MACROD2: variants seen among roughly 807,000 people sequenced by gnomAD.
The protein encoded by MACROD2 is ADP-ribose glycohydrolase MACROD2.
Under a neutral mutation model 70.4 loss-of-function variants are expected in MACROD2, and 36 were observed. The observed-to-expected ratio is 0.51, with a 90% CI of 0.39 to 0.68. The LOEUF (loss-of-function observed/expected upper bound fraction) is 0.68. Ranked by LOEUF, MACROD2 falls within the 30% of genes least tolerant of loss-of-function variation. MACROD2 has a pLI of 0.00. For missense variants in MACROD2, 496 were observed against 538.4 expected (o/e 0.92, Z 0.78); for synonymous variants, 172 against 178.8 (o/e 0.96, Z 0.30).
intron 6 of MACROD2, among the ~76,000 whole-genome samples, chr20:15,404,672 C>T (rs2045973561): frequency 6.6e-6 from 1 of 152,236 alleles, no homozygotes. Context: ...CTTCTGCACA[C>T]TAACTTTCAC....
At chr20:14,318,369 G>T (rs966038138) in intron 3 of MACROD2, among the ~76,000 whole-genome samples, 16 of 152,032 alleles carry the variant, frequency 1.1e-4, no homozygotes, top group Non-Finnish European at 2.1e-4. Flanking sequence ...TCTTAAAAAA[G>T]AAAAACTTTG....
In MACROD2 at chr20:13,995,604, G is replaced by A; in HGVS notation, c.-160G>A. 1 of 734,682 alleles carries A rather than the reference G, an allele frequency of 1.4e-6. No individual in the cohort carries two copies. The highest frequency in any genetic ancestry group is 2.4e-6 in the Non-Finnish European group (1 of 413,082). The allele number at this position is 734,682 out of a possible 1,614,324, so 45.5% of individuals were successfully genotyped here. A position where few individuals can be genotyped will look rare whatever the true frequency, so the allele number is the denominator to read the frequency against. On this transcript the variant is annotated 5_prime_UTR_variant, in exon 1 of 18. Transcript: ENST00000684519. This position sits in a 1 kb window ranked among gnomAD's most constrained non-coding sequence, Gnocchi z 4.3. ...GAGCGCGGGCTGAGGGAGGAGGGCG[G>A]CGACTGGAGAGCGGCGAGCGGCGAG...
intron 5 of MACROD2, among the ~76,000 whole-genome samples, chr20:14,965,377 G>C (rs546732826): frequency 4.3e-5 from 6 of 140,854 alleles, no homozygotes; most frequent in African/African-American, 1.3e-4. Flanking sequence ...CTTTTTTGCT[G>C]TTTCTTAAAA....
rs541706689 is a variant in MACROD2, at chr20:15,891,318, C to T, written c.775+5507C>T. Among the ~76,000 whole-genome samples, 3 of 152,258 alleles carry T rather than the reference C, an allele frequency of 2.0e-5. No homozygotes were observed. The South Asian group carries it at 6.2e-4, about 32-fold the overall frequency. On this transcript the variant is annotated intron_variant, in intron 10 of 17. Coordinates refer to ENST00000684519, the MANE Select transcript of MACROD2 (RefSeq NM_001351661.2). Reference sequence around the variant, plus strand: ...GAAAGGAAACTGACAAAGCTAGAGCCAAACACAAGAGGGAGGTGAGGCTAG... The same window carrying T: ...GAAAGGAAACTGACAAAGCTAGAGCTAAACACAAGAGGGAGGTGAGGCTAG...
Position 14,356,498 on chromosome 20 carries a change from C to CTTTTTT in MACROD2, c.272-136963_272-136958dup, listed in dbSNP as rs71190132. Among the ~76,000 whole-genome samples the CTTTTTT allele has an allele frequency of 9.2e-4, 71 of 76,788 alleles. 1 individual carries two copies. Among genetic ancestry groups the CTTTTTT allele is most frequent in the African/African-American group, 1.2e-3 (25 of 21,374 alleles). 50.4% of individuals were successfully genotyped at this position (76,788 alleles called of 152,430 possible). A position where few individuals can be genotyped will look rare whatever the true frequency, so the allele number is the denominator to read the frequency against. On this transcript the variant is annotated intron_variant, in intron 3 of 17. Transcript: ENST00000684519. ...ACCTGGGGGCTGGAGGATCTACTTT[C>CTTTTTT]TTTTTTTTTTTTTTTTTTTTTTTCG...
At chr20:14,152,334 CAGT>C (rs1421137188) in intron 3 of MACROD2, among the ~76,000 whole-genome samples, 1 of 152,034 alleles carries the variant, frequency 6.6e-6, no homozygotes, top group Non-Finnish European at 1.5e-5. Context: ...TCATATTTGA[CAGT>C]AGTATTTCTC....
At chr20:14,550,144 A>G (rs1261857051) in intron 4 of MACROD2, among the ~76,000 whole-genome samples, 1 of 152,016 alleles carries the variant, frequency 6.6e-6, no homozygotes, top group East Asian at 1.9e-4. Flanking sequence ...TCTGGTCTGG[A>G]ACTCCTGACC....
intron 7 of MACROD2, among the ~76,000 whole-genome samples, chr20:15,470,557 A>G (rs1375330018): frequency 1.3e-5 from 2 of 152,076 alleles, no homozygotes; most frequent in East Asian, 1.9e-4. Flanking sequence ...CATCCCTTGC[A>G]CTTCCGGGCC....
intron 5 of MACROD2, among the ~76,000 whole-genome samples, chr20:14,763,508 T>C (rs80058350): frequency 0.054 from 8,155 of 152,168 alleles, 355 homozygotes; most frequent in East Asian, 0.18. Context: ...GGGACCGTGA[T>C]CTAGGTGAAA....
At chr20:15,022,864 G>A (rs1039250625) in intron 5 of MACROD2, 1 of 152,016 alleles carries the variant, frequency 6.6e-6, no homozygotes, top group Non-Finnish European at 1.5e-5. Flanking sequence ...GCTTGCTTTG[G>A]CAACACATAT....
chr20:14,729,906 T>C (rs932115809), intron 5 of MACROD2, among the ~76,000 whole-genome samples: 2 of 152,118 alleles, frequency 1.3e-5, no homozygotes, highest in African/African-American at 2.4e-5. Context: ...TTGCATTACA[T>C]TTATTAAAAT....
Position 14,940,977 on chromosome 20 carries a change from T to C in MACROD2, c.418+256018T>C, listed in dbSNP as rs1197507924. 8.5e-5 allele frequency among the ~76,000 whole-genome samples: 13 copies of C among 152,186 alleles called. No individual in the cohort carries two copies. The East Asian group carries it at 2.5e-3, about 29-fold the overall frequency. The stretch of plus-strand genomic sequence containing the variant: ...GAATTTGAGTAGAATTAGTGTTAGT[T>C]CTTTACATGTTTGTTAGAATTCAGC... On this transcript the variant is annotated intron_variant, in intron 5 of 17. Transcript: ENST00000684519.
intron 10 of MACROD2, among the ~76,000 whole-genome samples, chr20:15,889,018 G>A (rs1420109957): frequency 6.6e-6 from 1 of 152,140 alleles, no homozygotes; most frequent in Non-Finnish European, 1.5e-5. Flanking sequence ...CACTAATGAA[G>A]GGCTACTTGA....
At chr20:15,020,392 G>C (rs1568533904) in intron 5 of MACROD2, among the ~76,000 whole-genome samples, 2 of 152,106 alleles carry the variant, frequency 1.3e-5, no homozygotes, top group Admixed American at 1.3e-4. Context: ...AAATTTATAT[G>C]AGTTTTGAAA....
intron 6 of MACROD2, among the ~76,000 whole-genome samples, chr20:15,377,656 G>T (rs16990148): frequency 6.6e-6 from 1 of 152,156 alleles, no homozygotes. Context: ...GTCCTCCTGG[G>T]TAAGAAAGAA....
intron 5 of MACROD2, among the ~76,000 whole-genome samples, chr20:15,198,240 T>G (rs776681636): frequency 1.3e-5 from 2 of 152,118 alleles, no homozygotes; most frequent in Non-Finnish European, 2.9e-5. Flanking sequence ...ATTACAGGCA[T>G]GAGCCAACGC....
intron 5 of MACROD2, among the ~76,000 whole-genome samples, chr20:14,697,947 T>G (rs533596969): frequency 1.3e-5 from 2 of 152,350 alleles, no homozygotes; most frequent in South Asian, 4.1e-4. Context: ...TCTCACAATC[T>G]ATCTGCTACA....
intron 6 of MACROD2, among the ~76,000 whole-genome samples, chr20:15,281,722 C>G (rs964546831): frequency 9.2e-5 from 14 of 152,318 alleles, no homozygotes; most frequent in Non-Finnish European, 1.9e-4. Context: ...TCTGTGGCTT[C>G]TCCAGGCCCA....
intron 4 of MACROD2, among the ~76,000 whole-genome samples, chr20:14,517,934 A>G (rs1469428461): frequency 6.6e-6 from 1 of 151,930 alleles, no homozygotes; most frequent in Non-Finnish European, 1.5e-5. Flanking sequence ...CGAGACTGTT[A>G]TAATGTTTGG....
Sources: allele counts gnomAD v4.1 joint callset (sites outside exome capture counted in the v4.1 genomes callset), GRCh38; gene constraint gnomAD v4.1.1; non-coding constraint Gnocchi (gnomAD v3.1); transcripts MANE v1.5; gene names NCBI Gene and HGNC (gene_info 2026-07-23, HGNC 2026-07-21).